Variants in MTOR observed in about 807,000 individuals in gnomAD.
The protein encoded by MTOR is serine/threonine-protein kinase mTOR.
In MTOR, 70 loss-of-function variants were observed where a neutral mutation model predicts 319.8. The observed-to-expected ratio is 0.22, with a 90% CI of 0.18 to 0.27. The LOEUF (loss-of-function observed/expected upper bound fraction) is 0.27. Among genes scored for constraint, MTOR ranks in the 10% least tolerant of loss-of-function variants. MTOR has a pLI of 1.00. For synonymous variants in MTOR, 1,183 were observed against 1,211.4 expected, an observed-to-expected ratio of 0.98 and a Z score of 0.49; for missense variants, 1,890 against 3,274.4, an observed-to-expected ratio of 0.58 and a Z score of 10.32.
chr1:11,194,430 ACTTT>A, intron 28 of MTOR: 1 of 1,609,114 alleles, frequency 6.2e-7, no homozygotes, highest in Non-Finnish European at 8.5e-7. Flanking sequence ...AGCCTGCTGC[ACTTT>A]CTTTAAGGCT....
chr1:11,186,542 G>C (rs1246703671), intron 28 of MTOR, among the ~76,000 whole-genome samples: 1 of 152,176 alleles, frequency 6.6e-6, no homozygotes, highest in Non-Finnish European at 1.5e-5. Context: ...ATGGAGAAAA[G>C]GAAAATCTAA....
chr1:11,247,766 A>G (rs1268564078), intron 7 of MTOR, 33 bp from the exon 8 acceptor site: 1 of 1,613,666 alleles, frequency 6.2e-7, no homozygotes, highest in Admixed American at 1.7e-5. Flanking sequence ...TTGGCAGGGG[A>G]AAAGTGAGGT....
Position 11,127,605 on chromosome 1 carries a change from C to G in MTOR, c.6216+19G>C, listed in dbSNP as rs191923194. On this transcript the variant is annotated intron_variant, in intron 44 of 57. Coordinates refer to ENST00000361445, the MANE Select transcript of MTOR (RefSeq NM_004958.4). The surrounding 1 kb of genome is among the most constrained non-coding windows in gnomAD (Gnocchi z 5.5). ...ATATTTCTACAGGGTTATGTCCTTT[C>G]GTGTTTTTTACCCCATACCTGATTA... 6.3e-7 allele frequency: 1 copy of G among 1,585,874 alleles called. No homozygotes were observed. The highest frequency in any genetic ancestry group is 8.6e-7 in the Non-Finnish European group (1 of 1,168,448).
intron 28 of MTOR, among the ~76,000 whole-genome samples, chr1:11,171,731 A>C (rs993919338): frequency 7.9e-5 from 12 of 152,030 alleles, no homozygotes; most frequent in Non-Finnish European, 1.6e-4. Context: ...ATATGGCCTT[A>C]ACTCCTTTAA....
At chr1:11,259,785 A>C (rs531544916) in intron 1 of MTOR, among the ~76,000 whole-genome samples, 27 of 152,136 alleles carry the variant, frequency 1.8e-4, no homozygotes, top group Non-Finnish European at 2.8e-4. Flanking sequence ...TCTATGAAAA[A>C]TACAAAAATT....
chr1:11,172,008 C>T (rs1644829072), intron 28 of MTOR, among the ~76,000 whole-genome samples: 2 of 126,196 alleles, frequency 1.6e-5, no homozygotes, highest in African/African-American at 3.1e-5. Context: ...CCAGCCTGGG[C>T]AACAAGAGCA....
At chr1:11,221,318 A>T (rs1646653142) in intron 19 of MTOR, among the ~76,000 whole-genome samples, 1 of 152,054 alleles carries the variant, frequency 6.6e-6, no homozygotes, top group Admixed American at 6.6e-5. Context: ...AACTCAAGGA[A>T]ATTTCTAAAA....
chr1:11,193,840 G>C lies in MTOR; in HGVS notation c.4253+5418C>G, dbSNP rs971408868. 7 of 1,490,532 alleles carry C rather than the reference G, an allele frequency of 4.7e-6. No homozygotes were observed. The South Asian group carries it at 8.3e-5, about 18-fold the overall frequency. The allele number at this position is 1,490,532 out of a possible 1,614,324, so 92.3% of individuals were successfully genotyped here. A position where few individuals can be genotyped will look rare whatever the true frequency, so the allele number is the denominator to read the frequency against. ...ACCACACATGACCGCGTACAACTCC[G>C]GGGGTGCCATTCCTATTCTGATTCA... On this transcript the variant is annotated intron_variant, in intron 28 of 57. Transcript: ENST00000361445.
At position 11,241,257 on chromosome 1, in the gene MTOR, C is replaced by T. The variant is rs541396703; in HGVS notation, c.1541+296G>A. On this transcript the variant is annotated intron_variant, in intron 10 of 57. Coordinates refer to ENST00000361445, the MANE Select transcript of MTOR (RefSeq NM_004958.4). ...AATGGCGTGAACCCGGGAGGCGGAG[C>T]TTGCAGTGAGCCAAGACTGGGCCAC... 1.2e-4 allele frequency among the ~76,000 whole-genome samples: 17 copies of T among 147,264 alleles called. 1 individual carries two copies. The South Asian group carries it at 3.7e-3, about 32-fold the overall frequency.
chr1:11,213,382 T>C lies in MTOR; in HGVS notation c.3285+17A>G. 1.9e-6 allele frequency: 3 copies of C among 1,603,770 alleles called. No homozygotes were observed. Among genetic ancestry groups the C allele is most frequent in the East Asian group, 2.2e-5 (1 of 44,752 alleles). On this transcript the variant is annotated intron_variant, in intron 21 of 57. Transcript: ENST00000361445. ...GAAATCAGAAAATCTCTCTGGAGGA[T>C]GACGTAGGCTACTCACCTTGATAGA...
intron 28 of MTOR, among the ~76,000 whole-genome samples, chr1:11,179,091 T>C (rs1645070824): frequency 6.6e-6 from 1 of 152,200 alleles, no homozygotes; most frequent in Non-Finnish European, 1.5e-5. Context: ...ACTCTATAAC[T>C]GGATTACCAG....
In MTOR at chr1:11,253,850, T is replaced by C; in HGVS notation, c.829A>G (p.Met277Val). ...ILNELVRISS[M>V]EGERLREEME... ...CCGTGGCTTCTCACCTCTCCCTCCA[T>C]GCTGCTGATTCGGACCAGCTCGTTA... The change falls in exon 6 of 58, where the codon ATG (methionine) becomes GTG (valine). Residue 277 changes from methionine to valine, a missense_variant. This residue lies in a region of MTOR where 418 missense variants were observed against 543.1 expected (regional missense o/e 0.77). Transcript: ENST00000361445. The C allele has an allele frequency of 6.2e-7, 1 of 1,614,162 alleles. No individual in the cohort carries two copies.
chr1:11,231,412 T>A lies in MTOR; in HGVS notation c.2537A>T (p.Gln846Leu), dbSNP rs762881935. ...TACATAGCCAGTGCTGGCCACCAACTGTCCCAGGGTCCACAGAGCCACCTG... is the reference window on the plus strand; with the variant it reads ...TACATAGCCAGTGCTGGCCACCAACAGTCCCAGGGTCCACAGAGCCACCTG... ...KRQVALWTLGQLVASTGYVVE... is the reference protein window; with the variant it reads ...KRQVALWTLGLLVASTGYVVE... Residue 846 changes from glutamine to leucine, a missense_variant, in exon 17 of 58, where the codon CAG (glutamine) becomes CTG (leucine). Around this residue, in one of 15 missense-constraint regions of MTOR, gnomAD observed 377 missense variants for 653.9 expected, o/e 0.58. Coordinates refer to ENST00000361445, the MANE Select transcript of MTOR (RefSeq NM_004958.4). 4 of 1,613,990 alleles carry A rather than the reference T, an allele frequency of 2.5e-6. No individual in the cohort carries two copies. In the African/African-American group the frequency reaches 4.0e-5, roughly 16 times the overall value.
At chr1:11,131,801 C>G (rs1643174981) in intron 38 of MTOR, 1 of 152,234 alleles carries the variant, frequency 6.6e-6, no homozygotes, top group Non-Finnish European at 1.5e-5. Flanking sequence ...CCATTAATAG[C>G]TGAACTTTCT....
chr1:11,167,245 TA>T (rs543578984), intron 29 of MTOR, among the ~76,000 whole-genome samples, 196 bp downstream of exon 29: 153 of 140,996 alleles, frequency 1.1e-3, no homozygotes, highest in African/African-American at 9.3e-4. Flanking sequence ...AAAGTATAAT[TA>T]AAAAAAAAAA....
chr1:11,193,534 CT>C (rs1557827309), intron 28 of MTOR: 1 of 1,532,050 alleles, frequency 6.5e-7, no homozygotes, highest in Admixed American at 2.0e-5. Context: ...TTGCTCCTGC[CT>C]TCTGCCCCTG....
rs1643283979 is a variant in MTOR, at chr1:11,133,982, GA to G, written c.5246+368del. ...GTGGCACGTGCCTATAGCTACTTGG[GA>G]AACTGAGGTGGGAGGATTGCTTAAG... On this transcript the variant is annotated intron_variant, in intron 37 of 57. Coordinates refer to ENST00000361445, the MANE Select transcript of MTOR (RefSeq NM_004958.4). The surrounding 1 kb of genome is among the most constrained non-coding windows in gnomAD (Gnocchi z 4.0). 1.3e-5 allele frequency among the ~76,000 whole-genome samples: 2 copies of G among 152,048 alleles called. No homozygotes were observed. Among genetic ancestry groups the G allele is most frequent in the Admixed American group, 6.5e-5 (1 of 15,270 alleles).
At chr1:11,166,946 G>A (rs1241557297) in intron 29 of MTOR, among the ~76,000 whole-genome samples, 1 of 152,130 alleles carries the variant, frequency 6.6e-6, no homozygotes. Flanking sequence ...TCCATTGTAG[G>A]GACATGGATG....
chr1:11,259,532 G>C, intron 1 of MTOR, 109 bp from the exon 2 acceptor site: 2 of 1,175,860 alleles, frequency 1.7e-6, no homozygotes, highest in Non-Finnish European at 1.2e-6. Flanking sequence ...TGTCAGGCAG[G>C]GGATTCTAAA....
Sources: gnomAD v4.1 joint callset for allele counts (sites outside exome capture counted in the v4.1 genomes callset) on GRCh38, gnomAD v4.1.1 for gene constraint, gnomAD v4.1.1 regional missense constraint, Gnocchi (gnomAD v3.1) non-coding constraint, MANE v1.5 for transcripts, NCBI Gene and HGNC (gene_info 2026-07-23, HGNC 2026-07-21) for gene names.